ANOS1: variants seen among roughly 807,000 people sequenced by gnomAD.
ANOS1 encodes the protein anosmin 1, also known as anosmin-1.
Under a neutral mutation model 59.0 loss-of-function variants are expected in ANOS1, and 6 were observed. That is an observed-to-expected ratio of 0.10 (90% CI 0.06 to 0.20). ANOS1 has a LOEUF of 0.20. Among genes scored for constraint, ANOS1 ranks in the 10% least tolerant of loss-of-function variants. ANOS1 has a pLI of 1.00. For synonymous variants in ANOS1, 217 were observed against 223.4 expected, an observed-to-expected ratio of 0.97 and a Z score of 0.25; for missense variants, 433 against 542.3, an observed-to-expected ratio of 0.80 and a Z score of 2.00.
At chrX:8,679,648 A>G (rs1475007264) in intron 2 of ANOS1, among the ~76,000 whole-genome samples, 2 of 111,043 alleles carry the variant, frequency 1.8e-5, no homozygotes, top group Non-Finnish European at 3.8e-5. Flanking sequence ...GGGAGGGGGA[A>G]ATGAGAAGTT....
At chrX:8,661,142 C>G (rs768260563) in intron 2 of ANOS1, among the ~76,000 whole-genome samples, 23 of 111,391 alleles carry the variant, frequency 2.1e-4, no homozygotes, top group Non-Finnish European at 4.0e-4. Flanking sequence ...TCCCTGTGTC[C>G]TCATGTGGTC....
chrX:8,681,422 C>T (rs1312688677), intron 2 of ANOS1, among the ~76,000 whole-genome samples: 3 of 111,993 alleles, frequency 2.7e-5, no homozygotes, highest in African/African-American at 9.7e-5. Context: ...TGAATATTTA[C>T]GTGCTTTCAA....
chrX:8,536,696 G>T, intron 11 of ANOS1, 75 bp downstream of exon 11: 1 of 864,010 alleles, frequency 1.2e-6, no homozygotes, highest in Non-Finnish European at 1.7e-6. Context: ...CTTGTGAAAC[G>T]CAGTTTGACA....
chrX:8,707,211 C>T (rs1350401112), intron 1 of ANOS1, among the ~76,000 whole-genome samples: 2 of 112,005 alleles, frequency 1.8e-5, no homozygotes, highest in Non-Finnish European at 1.9e-5. Context: ...CACATAGCAG[C>T]GTGCCTGACA....
chrX:8,726,540 C>A (rs755649541), intron 1 of ANOS1, among the ~76,000 whole-genome samples: 4 of 112,073 alleles, frequency 3.6e-5, no homozygotes, highest in Non-Finnish European at 7.5e-5. Flanking sequence ...CACTTGCCCA[C>A]GGACTACTAC....
intron 2 of ANOS1, among the ~76,000 whole-genome samples, chrX:8,629,619 C>T (rs1003819082): frequency 1.5e-4 from 17 of 111,541 alleles, no homozygotes; most frequent in African/African-American, 5.2e-4. Flanking sequence ...TTTCATGTCA[C>T]AGAGAGAGAC....
chrX:8,669,595 T>TG (rs776303185), intron 2 of ANOS1, among the ~76,000 whole-genome samples: 146 of 104,327 alleles, frequency 1.4e-3, no homozygotes, highest in African/African-American at 4.8e-3. Context: ...CCAAAACTGC[T>TG]AAAAAAAAAA....
At chrX:8,710,521 A>G (rs1445990511) in intron 1 of ANOS1, among the ~76,000 whole-genome samples, 1 of 112,157 alleles carries the variant, frequency 8.9e-6, no homozygotes, top group African/African-American at 3.2e-5. Context: ...AGATGATACC[A>G]TATCATTACA....
chrX:8,723,302 C>G (rs902387079), intron 1 of ANOS1, among the ~76,000 whole-genome samples: 1 of 112,443 alleles, frequency 8.9e-6, no homozygotes, highest in African/African-American at 3.2e-5. Flanking sequence ...ATCTTCACAA[C>G]CTATACATCT....
chrX:8,570,151 A>C (rs1930202512), intron 7 of ANOS1, among the ~76,000 whole-genome samples: 2 of 110,987 alleles, frequency 1.8e-5, no homozygotes, highest in Non-Finnish European at 3.8e-5. Context: ...AAAAAAAAAA[A>C]AAAAAAACTT....
At chrX:8,694,361 A>G (rs1212815299) in intron 2 of ANOS1, among the ~76,000 whole-genome samples, 1 of 112,882 alleles carries the variant, frequency 8.9e-6, no homozygotes, top group Non-Finnish European at 1.9e-5. Context: ...GAGAAAGGTT[A>G]ATGAAAATAG....
intron 6 of ANOS1, among the ~76,000 whole-genome samples, chrX:8,573,405 G>T (rs1021839157): frequency 1.8e-5 from 2 of 110,464 alleles, no homozygotes; most frequent in African/African-American, 6.6e-5. Context: ...CTATTTTTCA[G>T]CCCCATGCTC....
chrX:8,722,367 C>T (rs1228326311), intron 1 of ANOS1, among the ~76,000 whole-genome samples: 5 of 110,713 alleles, frequency 4.5e-5, no homozygotes, highest in Non-Finnish European at 9.5e-5. Context: ...CCACCCTTTC[C>T]CCCGGAGTCC....
intron 3 of ANOS1, among the ~76,000 whole-genome samples, chrX:8,601,752 AACAC>A (rs1349239696): frequency 1.8e-5 from 2 of 112,568 alleles, no homozygotes; most frequent in Non-Finnish European, 3.7e-5. Context: ...TACATGAGGT[AACAC>A]ACACAAAGAA....
intron 4 of ANOS1, among the ~76,000 whole-genome samples, chrX:8,593,659 T>C (rs991000708): frequency 1.8e-5 from 2 of 111,674 alleles, no homozygotes; most frequent in Admixed American, 1.9e-4. Flanking sequence ...GCCTATTAGA[T>C]AGACAGGTGG....
chrX:8,703,527 G>C (rs1932766819), intron 1 of ANOS1, among the ~76,000 whole-genome samples: 1 of 111,794 alleles, frequency 8.9e-6, no homozygotes, highest in Non-Finnish European at 1.9e-5. Flanking sequence ...CCTGTAGTCA[G>C]GGAAACCAAG....
At chrX:8,714,760 C>G (rs1331387159) in intron 1 of ANOS1, among the ~76,000 whole-genome samples, 1 of 111,543 alleles carries the variant, frequency 9.0e-6, no homozygotes, top group East Asian at 2.8e-4. Flanking sequence ...ACATGTTTTC[C>G]CCTTCTAATT....
chrX:8,704,137 C>T (rs966443828), intron 1 of ANOS1, among the ~76,000 whole-genome samples: 11 of 111,878 alleles, frequency 9.8e-5, no homozygotes, highest in Non-Finnish European at 1.9e-4. Context: ...CATGGCTTTG[C>T]TCCTCCTTTG....
Position 8,530,942 on chromosome X carries a change from T to C in ANOS1, c.*2053A>G, listed in dbSNP as rs1929489230. On this transcript the variant is annotated 3_prime_UTR_variant, in exon 14 of 14. Transcript: ENST00000262648. ...ACACCAGAATAAAAAAGAGAAGCTA[T>C]CTATGGTATCCATTTATTCAAGCTT... 9.1e-6 allele frequency: 1 copy of C among 110,047 alleles called. No individual in the cohort carries two copies. Among genetic ancestry groups the C allele is most frequent in the African/African-American group, 3.3e-5 (1 of 30,342 alleles). 9.1% of individuals were successfully genotyped at this position (110,047 alleles called of 1,213,427 possible). A position where few individuals can be genotyped will look rare whatever the true frequency, so the allele number is the denominator to read the frequency against.
Sources: allele counts gnomAD v4.1 joint callset (sites outside exome capture counted in the v4.1 genomes callset), GRCh38; gene constraint gnomAD v4.1.1; transcripts MANE v1.5; gene names NCBI Gene and HGNC (gene_info 2026-07-23, HGNC 2026-07-21).